KDM3B: variants seen among roughly 807,000 people sequenced by gnomAD.
The protein encoded by KDM3B is lysine-specific demethylase 3B.
Under a neutral mutation model 170.0 loss-of-function variants are expected in KDM3B, and 10 were observed. The ratio of observed to expected loss-of-function variants is 0.06; its 90% CI spans 0.04 to 0.10. KDM3B has a LOEUF of 0.10. KDM3B is among the 10% of genes least tolerant of loss of function. The pLI is 1.00. For synonymous variants in KDM3B, 831 were observed against 834.8 expected (o/e 1.00, Z 0.08); for missense variants, 1,394 against 2,195.2 (o/e 0.64, Z 7.29).
chr5:138,373,868 T>TA (rs1761933240), intron 2 of KDM3B, among the ~76,000 whole-genome samples: 1 of 152,370 alleles, frequency 6.6e-6, no homozygotes, highest in East Asian at 1.9e-4. Context: ...TGGTAACTTC[T>TA]AAAAAATCCT....
intron 12 of KDM3B, among the ~76,000 whole-genome samples, chr5:138,415,452 T>C (rs999825000): frequency 2.0e-5 from 3 of 152,058 alleles, no homozygotes; most frequent in Admixed American, 2.0e-4. Flanking sequence ...TCTGTATTAT[T>C]ATTGAAGAGA....
At chr5:138,432,210 T>C (rs919144925) in intron 23 of KDM3B, among the ~76,000 whole-genome samples, 20 of 152,214 alleles carry the variant, frequency 1.3e-4, no homozygotes, top group Admixed American at 8.5e-4. Flanking sequence ...AGAAGAAATA[T>C]TGCGCTGAAG....
chr5:138,431,707 G>C, intron 23 of KDM3B, 148 bp downstream of exon 23: 1 of 725,182 alleles, frequency 1.4e-6, no homozygotes, highest in Non-Finnish European at 2.0e-6. Context: ...TGGGGATATG[G>C]AGTCCTTTTA....
At chr5:138,419,688 T>C (rs180965139) in intron 14 of KDM3B, among the ~76,000 whole-genome samples, 3,677 of 118,896 alleles carry the variant, frequency 0.031, 214 homozygotes, top group Admixed American at 0.08. Context: ...TATATATATA[T>C]ACATATATAT....
chr5:138,385,994 G>A (rs1364264343), intron 6 of KDM3B, 28 bp from the exon 7 acceptor site: 1 of 1,563,742 alleles, frequency 6.4e-7, no homozygotes, highest in African/African-American at 1.4e-5. Context: ...AAGTTTCCTT[G>A]TAATCTTTTT....
intron 1 of KDM3B, among the ~76,000 whole-genome samples, chr5:138,368,871 A>G (rs1761808513): frequency 6.6e-6 from 1 of 152,168 alleles, no homozygotes; most frequent in South Asian, 2.1e-4. Context: ...GCTTTTTCTA[A>G]TGTTTTTAGG....
chr5:138,397,860 TAAAA>T, intron 9 of KDM3B: 3 of 155,558 alleles, frequency 1.9e-5, no homozygotes, highest in South Asian at 1.8e-4. Context: ...GACTCTGTCT[TAAAA>T]AAAAAAAAAA....
chr5:138,417,319 T>C (rs1333182034), intron 12 of KDM3B, among the ~76,000 whole-genome samples, 164 bp from the exon 13 acceptor site: 7 of 152,216 alleles, frequency 4.6e-5, no homozygotes, highest in African/African-American at 1.7e-4. Flanking sequence ...TGGCCTAACT[T>C]CTTCTCTCAG....
At chr5:138,425,789 T>G (rs1332917215) in intron 17 of KDM3B, 2 of 446,464 alleles carry the variant, frequency 4.5e-6, no homozygotes, top group Non-Finnish European at 7.9e-6. Flanking sequence ...GTGGATCACT[T>G]GGGGTCAGGA....
chr5:138,358,308 T>TC (rs1376030203), intron 1 of KDM3B, among the ~76,000 whole-genome samples: 2 of 142,302 alleles, frequency 1.4e-5, no homozygotes, highest in East Asian at 2.1e-4. Context: ...CTTTCTTTCT[T>TC]TTTTTTTTTT....
intron 19 of KDM3B, 102 bp downstream of exon 19, chr5:138,427,421 G>C (rs1415488734): frequency 3.6e-5 from 48 of 1,321,376 alleles, no homozygotes; most frequent in Non-Finnish European, 4.9e-5. Flanking sequence ...GATGATTGCA[G>C]GCAAGTGCTG....
chr5:138,403,746 A>T (rs536003063), intron 11 of KDM3B, among the ~76,000 whole-genome samples: 2 of 150,970 alleles, frequency 1.3e-5, no homozygotes, highest in African/African-American at 4.9e-5. Flanking sequence ...CAATCCCAGC[A>T]CTTTGGGAGG....
rs779606343 is a variant in KDM3B, at chr5:138,389,864, C to CT, written c.1381-1141dup. Among the ~76,000 whole-genome samples the CT allele has an allele frequency of 1.0e-4, 15 of 147,168 alleles. No homozygotes were observed. In the East Asian group the frequency reaches 1.8e-3, roughly 18 times the overall value. Reference sequence around the variant, plus strand: ...ACATTAATATATAGGAAAGTCCTTCCTTTTTTTTGTTTTTGTGAGGGAATC... The same window carrying CT: ...ACATTAATATATAGGAAAGTCCTTCCTTTTTTTTTGTTTTTGTGAGGGAATC... On this transcript the variant is annotated intron_variant, in intron 7 of 23. Transcript: ENST00000314358.
At chr5:138,403,628 G>T (rs1156927526) in intron 11 of KDM3B, among the ~76,000 whole-genome samples, 1 of 149,688 alleles carries the variant, frequency 6.7e-6, no homozygotes, top group African/African-American at 2.5e-5. Flanking sequence ...AGTGAGCCAA[G>T]ATCGTGCCAT....
At chr5:138,396,040 G>A (rs1384679584) in intron 9 of KDM3B, among the ~76,000 whole-genome samples, 3 of 152,128 alleles carry the variant, frequency 2.0e-5, no homozygotes, top group Admixed American at 2.0e-4. Flanking sequence ...GATTGGTAGG[G>A]GAATTGCCTG....
chr5:138,372,859 G>T lies in KDM3B; in HGVS notation c.360+18G>T, dbSNP rs765115756. 1 of 1,607,838 alleles carries T rather than the reference G, an allele frequency of 6.2e-7. No individual in the cohort carries two copies. Among genetic ancestry groups the T allele is most frequent in the Non-Finnish European group, 8.5e-7 (1 of 1,176,346 alleles). ...CAGCCCTGGTGAGTGGCTTTTACTG[G>T]GTGGGAACATGTCTGAGCTTTACTC... On this transcript the variant is annotated intron_variant, in intron 2 of 23. Coordinates refer to ENST00000314358, the MANE Select transcript of KDM3B (RefSeq NM_016604.4).
chr5:138,375,029 T>C (rs1761962331), intron 2 of KDM3B, 64 bp from the exon 3 acceptor site: 1 of 831,374 alleles, frequency 1.2e-6, no homozygotes, highest in Admixed American at 1.8e-5. Context: ...AGTTAGAGAT[T>C]TGTTTGAATT....
intron 11 of KDM3B, among the ~76,000 whole-genome samples, chr5:138,408,427 C>G (rs1314683862): frequency 1.4e-5 from 2 of 147,190 alleles, no homozygotes; most frequent in African/African-American, 5.0e-5. Context: ...TTTGTAGTTT[C>G]AAAAATCTTT....
chr5:138,396,975 C>G (rs1762563472), intron 9 of KDM3B, among the ~76,000 whole-genome samples: 1 of 152,062 alleles, frequency 6.6e-6, no homozygotes, highest in Non-Finnish European at 1.5e-5. Flanking sequence ...CGCTTAAGCC[C>G]AGGTGTTTGA....
Sources: allele counts gnomAD v4.1 joint callset (sites outside exome capture counted in the v4.1 genomes callset), GRCh38; gene constraint gnomAD v4.1.1; transcripts MANE v1.5; gene names NCBI Gene and HGNC (gene_info 2026-07-23, HGNC 2026-07-21).